The following CABLES1 variants were observed in gnomAD, a reference collection of about 807,000 sequenced individuals.
The protein encoded by CABLES1 is CDK5 and ABL1 enzyme substrate 1.
CABLES1 carries 36 observed loss-of-function variants against 57.8 expected under a neutral mutation model. That is an observed-to-expected ratio of 0.62 (90% confidence interval 0.48 to 0.82). CABLES1 has a LOEUF of 0.82. CABLES1 is among the 40% of genes least tolerant of loss of function. The probability of loss-of-function intolerance (pLI) is 0.00; values close to 1 mark genes in which losing one functional copy is unlikely to be tolerated. For synonymous variants in CABLES1, 374 were observed against 363.0 expected (o/e 1.03, Z -0.35); for missense variants, 767 against 836.6 (o/e 0.92, Z 1.03).
chr18:23,148,499 C>G (rs1440853939), intron 1 of CABLES1, among the ~76,000 whole-genome samples: 1 of 152,180 alleles, frequency 6.6e-6, no homozygotes, highest in Non-Finnish European at 1.5e-5. Flanking sequence ...TCCCATTTGG[C>G]ATTGGGTCAG....
At chr18:23,254,715 T>C (rs1338349883) in intron 9 of CABLES1, among the ~76,000 whole-genome samples, 1 of 152,212 alleles carries the variant, frequency 6.6e-6, no homozygotes, top group Non-Finnish European at 1.5e-5. Flanking sequence ...CCATCCTTAA[T>C]TGCAGAGAAA....
chr18:23,214,110 T>C (rs753532608), intron 4 of CABLES1, 56 bp downstream of exon 4: 16 of 1,211,252 alleles, frequency 1.3e-5, no homozygotes, highest in Non-Finnish European at 1.8e-5. Flanking sequence ...CTCACACCAA[T>C]GTACATAATG....
intron 3 of CABLES1, among the ~76,000 whole-genome samples, chr18:23,203,458 TA>T (rs10617500): frequency 0.017 from 2,374 of 140,172 alleles, 18 homozygotes; most frequent in Middle Eastern, 0.034. Context: ...TAGGATATGT[TA>T]AAAAAAAAAA....
chr18:23,235,593 A>G (rs1282184620), intron 5 of CABLES1, among the ~76,000 whole-genome samples: 3 of 152,208 alleles, frequency 2.0e-5, no homozygotes, highest in African/African-American at 2.4e-5. Context: ...GGATTACACA[A>G]CACCACAGCA....
chr18:23,250,346 G>T (rs1339542790), intron 7 of CABLES1, among the ~76,000 whole-genome samples: 1 of 152,146 alleles, frequency 6.6e-6, no homozygotes, highest in African/African-American at 2.4e-5. Context: ...TGGATTGGGG[G>T]GTGAGGGGTT....
At chr18:23,189,234 C>T (rs2047224375) in intron 2 of CABLES1, 1 of 294,594 alleles carries the variant, frequency 3.4e-6, no homozygotes, top group Admixed American at 4.9e-5. Flanking sequence ...CAGGTGCAGT[C>T]ACACAGTAGG....
At chr18:23,217,898 C>T (rs1475800615) in intron 4 of CABLES1, among the ~76,000 whole-genome samples, 1 of 152,228 alleles carries the variant, frequency 6.6e-6, no homozygotes, top group African/African-American at 2.4e-5. Flanking sequence ...GGGCGAAGCT[C>T]ACCCACAGCC....
At chr18:23,143,899 A>G (rs1461890932) in intron 1 of CABLES1, among the ~76,000 whole-genome samples, 1 of 152,134 alleles carries the variant, frequency 6.6e-6, no homozygotes, top group Non-Finnish European at 1.5e-5. Flanking sequence ...AATTCCTGGT[A>G]TTTCAGGCGA....
chr18:23,200,469 A>G (rs150607684), intron 3 of CABLES1, among the ~76,000 whole-genome samples: 209 of 152,236 alleles, frequency 1.4e-3, no homozygotes, highest in African/African-American at 4.6e-3. Context: ...TCACCATGTT[A>G]GCCAGGAAGG....
At position 23,260,010 on chromosome 18, in the gene CABLES1, G is replaced by C. The variant is rs1466010978; in HGVS notation, c.*2643G>C. 1 of 152,054 alleles carries C rather than the reference G, an allele frequency of 6.6e-6. No homozygotes were observed. Among genetic ancestry groups the C allele is most frequent in the Non-Finnish European group, 1.5e-5 (1 of 68,044 alleles). The allele number at this position is 152,054 out of a possible 1,614,324, so 9.4% of individuals were successfully genotyped here. A position where few individuals can be genotyped will look rare whatever the true frequency, so the allele number is the denominator to read the frequency against. ...CCCCCGGAGCCAGCCTAGGGGGCCC[G>C]GGACTCCTCTAGTGAGCCTTGACTG... On this transcript the variant is annotated 3_prime_UTR_variant, in exon 10 of 10. Transcript: ENST00000256925.
intron 1 of CABLES1, among the ~76,000 whole-genome samples, chr18:23,163,087 G>T (rs1242308727): frequency 6.6e-6 from 1 of 152,148 alleles, no homozygotes; most frequent in Admixed American, 6.5e-5. Flanking sequence ...TGGCTGTGTT[G>T]TGGGGTGCAG....
intron 4 of CABLES1, among the ~76,000 whole-genome samples, chr18:23,217,470 T>A (rs1180651096): frequency 2.0e-5 from 3 of 152,182 alleles, no homozygotes; most frequent in African/African-American, 4.8e-5. Flanking sequence ...TGCAGCACAG[T>A]CTACCTCTGT....
At chr18:23,169,384 G>A (rs935329663) in intron 1 of CABLES1, among the ~76,000 whole-genome samples, 1 of 152,162 alleles carries the variant, frequency 6.6e-6, no homozygotes, top group Non-Finnish European at 1.5e-5. Flanking sequence ...ACCCTCTGTT[G>A]GGGTCTGGAT....
At chr18:23,153,770 C>G (rs1159489324) in intron 1 of CABLES1, among the ~76,000 whole-genome samples, 1 of 151,994 alleles carries the variant, frequency 6.6e-6, no homozygotes, top group Non-Finnish European at 1.5e-5. Flanking sequence ...ATGGCTGATG[C>G]CTGTAGTCCC....
At position 23,216,001 on chromosome 18, in the gene CABLES1, G is replaced by A. The variant is rs377191366; in HGVS notation, c.1088+1947G>A. On this transcript the variant is annotated intron_variant, in intron 4 of 9. Transcript: ENST00000256925. ...GATCTCCTGACCTCGTGATCTGCCC[G>A]CCTCGGCCTCCCAAAGTGCTGGGAT... 1.4e-3 allele frequency among the ~76,000 whole-genome samples: 208 copies of A among 152,174 alleles called. 1 individual carries two copies. The highest frequency in any genetic ancestry group is 8.1e-3 in the East Asian group (42 of 5,160).
intron 4 of CABLES1, among the ~76,000 whole-genome samples, chr18:23,228,721 C>G (rs1298166620): frequency 6.9e-6 from 1 of 144,592 alleles, no homozygotes; most frequent in African/African-American, 2.6e-5. Flanking sequence ...CCCCCGTGGG[C>G]CAGTTTTAAA....
At chr18:23,183,524 C>A (rs1416285350) in intron 1 of CABLES1, among the ~76,000 whole-genome samples, 2 of 152,188 alleles carry the variant, frequency 1.3e-5, no homozygotes, top group African/African-American at 4.8e-5. Flanking sequence ...GGCTGCCTTA[C>A]GCATGAGCAT....
rs1410877140 is a variant in CABLES1, at chr18:23,135,622, G to C, written c.-141G>C. 1.9e-4 allele frequency: 119 copies of C among 642,934 alleles called. No homozygotes were observed. Among genetic ancestry groups the C allele is most frequent in the East Asian group, 5.7e-4 (4 of 7,012 alleles). 39.8% of individuals were successfully genotyped at this position (642,934 alleles called of 1,614,324 possible). ...CGAGGGGCGAGCATGGCCCGCCCGC[G>C]GGGGGGCTGGACCGCCGCGCACGCC... On this transcript the variant is annotated 5_prime_UTR_variant, in exon 1 of 10. Transcript: ENST00000256925.
intron 1 of CABLES1, among the ~76,000 whole-genome samples, chr18:23,173,645 A>C (rs1356077812): frequency 6.6e-6 from 1 of 152,258 alleles, no homozygotes. Context: ...TTACTAAGAT[A>C]TAATTTGCAT....
Sources: gnomAD v4.1 joint callset for allele counts (sites outside exome capture counted in the v4.1 genomes callset) on GRCh38, gnomAD v4.1.1 for gene constraint, MANE v1.5 for transcripts, NCBI Gene and HGNC (gene_info 2026-07-23, HGNC 2026-07-21) for gene names.